Variants in GPR83 observed in about 807,000 individuals in gnomAD.
GPR83 encodes G-protein coupled receptor 72.
Under a neutral mutation model 28.0 loss-of-function variants are expected in GPR83, and 23 were observed. That is an observed-to-expected ratio of 0.82 (90% CI 0.59 to 1.16). The LOEUF (loss-of-function observed/expected upper bound fraction) is 1.16, where lower values mean the gene tolerates loss of function less well. GPR83 is among the 50% of genes most tolerant of loss of function. The pLI is 0.00. For missense variants in GPR83, 610 were observed against 536.6 expected, an observed-to-expected ratio of 1.14 and a Z score of -1.35; for synonymous variants, 234 against 215.4, an observed-to-expected ratio of 1.09 and a Z score of -0.76.
At position 94,396,423 on chromosome 11, in the gene GPR83, TGTCA is replaced by T. The variant is rs1467320614; in HGVS notation, c.485_488del (p.Leu162GlnfsTer15). 2.5e-6 allele frequency: 4 copies of T among 1,613,938 alleles called. No individual in the cohort carries two copies. Among genetic ancestry groups the T allele is most frequent in the East Asian group, 2.2e-5 (1 of 44,866 alleles). ...CCTGGTGGCGATCCACCGCAATGGC[TGTCA>T]GTGTCAGTGCTGAGACGTGCAGTGA... On this transcript the variant is annotated frameshift_variant, in exon 2 of 4. Transcript: ENST00000243673. LOFTEE classifies it high-confidence loss of function.
intron 3 of GPR83, among the ~76,000 whole-genome samples, chr11:94,388,389 G>A (rs1033542278): frequency 6.6e-6 from 1 of 152,156 alleles, no homozygotes; most frequent in Non-Finnish European, 1.5e-5. Flanking sequence ...AATTGTCCCT[G>A]TTTGCAGATG....
At position 94,380,722 on chromosome 11, in the gene GPR83, G is replaced by T. The variant is rs1591599846; in HGVS notation, c.699C>A (p.Asp233Glu). ...CCAAGTCCAGGTACTTCCAGAAGAGGTCAGCTGGCTCAGGGAAGTCTGGCA... is the reference window on the plus strand; with the variant it reads ...CCAAGTCCAGGTACTTCCAGAAGAGTTCAGCTGGCTCAGGGAAGTCTGGCA... Reference protein sequence around the residue: ...LCLPDFPEPADLFWKYLDLAT... With the variant: ...LCLPDFPEPAELFWKYLDLAT... Residue 233 changes from aspartate (D) to glutamate (E), a missense_variant, in exon 4 of 4, where the codon GAC (aspartate) becomes GAA (glutamate). Physicochemically the swap from Asp to Glu is conservative, Grantham distance 45. Transcript: ENST00000243673. The T allele has an allele frequency of 3.7e-6, 6 of 1,612,766 alleles. No homozygotes were observed. Among genetic ancestry groups the T allele is most frequent in the Non-Finnish European group, 5.1e-6 (6 of 1,179,864 alleles).
At chr11:94,390,674 C>G (rs1482936285) in intron 3 of GPR83, among the ~76,000 whole-genome samples, 1 of 152,048 alleles carries the variant, frequency 6.6e-6, no homozygotes, top group Non-Finnish European at 1.5e-5. Context: ...TCCTATACAC[C>G]AATAACAGAC....
chr11:94,399,100 A>G (rs1266585412), intron 1 of GPR83, among the ~76,000 whole-genome samples: 1 of 152,034 alleles, frequency 6.6e-6, no homozygotes, highest in Non-Finnish European at 1.5e-5. Flanking sequence ...CAGCAGCAAA[A>G]AAGGCCATGT....
rs117244729 is a variant in GPR83 at position 94,391,362 on chromosome 11, T to C, written c.647+2123A>G. Among the ~76,000 whole-genome samples, 127 of 152,194 alleles carry C rather than the reference T, an allele frequency of 8.3e-4. 1 individual carries two copies. In the East Asian group the frequency reaches 0.024, roughly 29 times the overall value. ...AGACTTAAACTAAGACCTAGAATCA[T>C]AAAAATCCTAGAAGAAAGCCTGGAT... On this transcript the variant is annotated intron_variant, in intron 3 of 3. Coordinates refer to ENST00000243673, the MANE Select transcript of GPR83 (RefSeq NM_016540.4).
In GPR83 at chr11:94,382,232, A is replaced by T. The variant is rs538573115; in HGVS notation, c.648-1459T>A. On this transcript the variant is annotated intron_variant, in intron 3 of 3. Coordinates refer to ENST00000243673, the MANE Select transcript of GPR83 (RefSeq NM_016540.4). ...CTGGGCATGGTGGCACATGCCTATAATCCCAGCTACTCGGGAGGCTGAGGC... is the reference window on the plus strand; with the variant it reads ...CTGGGCATGGTGGCACATGCCTATATTCCCAGCTACTCGGGAGGCTGAGGC... 1.1e-4 allele frequency among the ~76,000 whole-genome samples: 16 copies of T among 151,606 alleles called. 1 individual carries two copies. In the South Asian group the frequency reaches 3.3e-3, roughly 32 times the overall value.
In GPR83 at chr11:94,401,377, G is replaced by T; in HGVS notation, c.-130C>A. The T allele has an allele frequency of 1.1e-6, 1 of 880,152 alleles. No homozygotes were observed. Among genetic ancestry groups the T allele is most frequent in the Non-Finnish European group, 1.6e-6 (1 of 624,922 alleles). The allele number at this position is 880,152 out of a possible 1,614,324, so 54.5% of individuals were successfully genotyped here. On this transcript the variant is annotated 5_prime_UTR_variant, in exon 1 of 4. Coordinates refer to ENST00000243673, the MANE Select transcript of GPR83 (RefSeq NM_016540.4). ...TCCCGAGGAGCCAGGGAGCCCGGAC[G>T]CGCGGAGCACCGCGCCGCCCGCCAC...
intron 3 of GPR83, among the ~76,000 whole-genome samples, chr11:94,391,522 G>C (rs1207620795): frequency 6.6e-6 from 1 of 152,182 alleles, no homozygotes; most frequent in Non-Finnish European, 1.5e-5. Context: ...CTAGCAATCA[G>C]AGTGAACAGG....
chr11:94,388,321 AG>A (rs1944780481), intron 3 of GPR83, among the ~76,000 whole-genome samples: 2 of 152,220 alleles, frequency 1.3e-5, no homozygotes, highest in Admixed American at 1.3e-4. Flanking sequence ...AGTTCTGGCC[AG>A]GGCAATCAGG....
At position 94,401,124 on chromosome 11, in the gene GPR83, A is replaced by G. The variant is rs1944907704; in HGVS notation, c.124T>C (p.Phe42Leu). 6.2e-7 allele frequency: 1 copy of G among 1,614,070 alleles called. No homozygotes were observed. The highest frequency in any genetic ancestry group is 1.1e-5 in the South Asian group (1 of 91,094). Reference sequence around the variant, plus strand: ...GAGAAGGTGTAGTTGTTCCAAGAGAAGAAGTGCGAGGCATTGGGCACGGCC... The same window carrying G: ...GAGAAGGTGTAGTTGTTCCAAGAGAGGAAGTGCGAGGCATTGGGCACGGCC... The part of the protein sequence containing the change: ...ALAVPNASHF[F>L]SWNNYTFSDW... Residue 42 changes from phenylalanine (F) to leucine (L), a missense_variant, in exon 1 of 4, where the codon TTC (phenylalanine) becomes CTC (leucine). Physicochemically the swap from Phe to Leu is conservative, Grantham distance 22. Transcript: ENST00000243673.
At chr11:94,394,801 A>T (rs1354774112) in intron 2 of GPR83, among the ~76,000 whole-genome samples, 2 of 152,166 alleles carry the variant, frequency 1.3e-5, no homozygotes, top group Non-Finnish European at 2.9e-5. Context: ...GCACTTCTCA[A>T]GGACTCTGCT....
intron 1 of GPR83, among the ~76,000 whole-genome samples, chr11:94,398,826 T>C (rs1944888121): frequency 6.6e-6 from 1 of 152,088 alleles, no homozygotes; most frequent in Admixed American, 6.5e-5. Context: ...CCCACAACCT[T>C]CTCCCTTTCC....
Position 94,378,228 on chromosome 11 carries a change from A to G in GPR83, c.*1921T>C, listed in dbSNP as rs1303927167. 2 of 152,196 alleles carry G rather than the reference A, an allele frequency of 1.3e-5. No individual in the cohort carries two copies. Among genetic ancestry groups the G allele is most frequent in the African/African-American group, 4.8e-5 (2 of 41,454 alleles). 9.4% of individuals were successfully genotyped at this position (152,196 alleles called of 1,614,324 possible). A position where few individuals can be genotyped will look rare whatever the true frequency, so the allele number is the denominator to read the frequency against. Reference sequence around the variant, plus strand: ...CATCTTCATAAATAGAAACTAGGATAAAGAACCCTCATAGTTCATTACAGG... The same window carrying G: ...CATCTTCATAAATAGAAACTAGGATGAAGAACCCTCATAGTTCATTACAGG... On this transcript the variant is annotated 3_prime_UTR_variant, in exon 4 of 4. Coordinates refer to ENST00000243673, the MANE Select transcript of GPR83 (RefSeq NM_016540.4).
Position 94,377,464 on chromosome 11 carries a change from G to A in GPR83, c.*2685C>T, listed in dbSNP as rs1944632358. ...AGTCACACACGGACCTCGGGGAAGG[G>A]ACAGATCTAATGAGCCATCAGTGGG... On this transcript the variant is annotated 3_prime_UTR_variant, in exon 4 of 4. Coordinates refer to ENST00000243673, the MANE Select transcript of GPR83 (RefSeq NM_016540.4). The A allele has an allele frequency of 6.6e-6, 1 of 152,094 alleles. No individual in the cohort carries two copies. The highest frequency in any genetic ancestry group is 1.5e-5 in the Non-Finnish European group (1 of 68,028). 9.4% of individuals were successfully genotyped at this position (152,094 alleles called of 1,614,324 possible). A position where few individuals can be genotyped will look rare whatever the true frequency, so the allele number is the denominator to read the frequency against.
chr11:94,396,169 G>A (rs183992310), intron 2 of GPR83, among the ~76,000 whole-genome samples: 329 of 152,252 alleles, frequency 2.2e-3, no homozygotes, highest in African/African-American at 7.6e-3. Context: ...GCAGTGAGTC[G>A]AGATGGTGCC....
rs1430326704 is a variant in GPR83 at position 94,378,433 on chromosome 11, G to A, written c.*1716C>T. The A allele has an allele frequency of 6.6e-6, 1 of 152,324 alleles. No individual in the cohort carries two copies. Among genetic ancestry groups the A allele is most frequent in the African/African-American group, 2.4e-5 (1 of 41,570 alleles). 9.4% of individuals were successfully genotyped at this position (152,324 alleles called of 1,614,324 possible). Reference sequence around the variant, plus strand: ...GTGTCAGTAACAATTGTTTAGAGCAGGTGAATTAAGCTCGATTCTGCCTGA... The same window carrying A: ...GTGTCAGTAACAATTGTTTAGAGCAAGTGAATTAAGCTCGATTCTGCCTGA... On this transcript the variant is annotated 3_prime_UTR_variant, in exon 4 of 4. Coordinates refer to ENST00000243673, the MANE Select transcript of GPR83 (RefSeq NM_016540.4).
Position 94,396,507 on chromosome 11 carries a change from G to A in GPR83, c.405C>T (p.Ser135=). Residue 135 remains serine, a synonymous_variant, in exon 2 of 4, where the codon AGC becomes AGT. Transcript: ENST00000243673. The stretch of plus-strand genomic sequence containing the variant: ...ACATGCCCTTCCCAAATATCCATGT[G>A]CTGTTCACAAAGCGAACCTGGAGAT... ...TPFTLVRFVN[S]TWIFGKGMCH... is the part of the protein sequence containing the mutation. 1 of 1,613,986 alleles carries A rather than the reference G, an allele frequency of 6.2e-7. No individual in the cohort carries two copies. The highest frequency in any genetic ancestry group is 8.5e-7 in the Non-Finnish European group (1 of 1,179,848).
At chr11:94,386,533 C>T (rs550483252) in intron 3 of GPR83, among the ~76,000 whole-genome samples, 4 of 152,092 alleles carry the variant, frequency 2.6e-5, no homozygotes, top group Admixed American at 2.0e-4. Context: ...AACAAAAAAA[C>T]GCAGGGGTTG....
At chr11:94,394,552 G>C (rs894921302) in intron 2 of GPR83, among the ~76,000 whole-genome samples, 5 of 152,158 alleles carry the variant, frequency 3.3e-5, no homozygotes, top group Non-Finnish European at 7.3e-5. Flanking sequence ...AGGGTTGGGG[G>C]AAGAGGTCAG....
Sources: allele counts gnomAD v4.1 joint callset (sites outside exome capture counted in the v4.1 genomes callset), GRCh38; gene constraint gnomAD v4.1.1; transcripts MANE v1.5; gene names NCBI Gene and HGNC (gene_info 2026-07-23, HGNC 2026-07-21).